RAB43: variants seen among roughly 807,000 people sequenced by gnomAD.
The protein encoded by RAB43 is RAB43, member RAS oncogene family.
Under a neutral mutation model 18.8 loss-of-function variants are expected in RAB43, and 6 were observed. That is an observed-to-expected ratio of 0.32 (90% CI 0.17 to 0.63). The LOEUF is 0.63. Ranked by LOEUF, RAB43 falls within the 30% of genes least tolerant of loss-of-function variation. RAB43 has a pLI of 0.79. For synonymous variants in RAB43, 103 were observed against 124.1 expected, an observed-to-expected ratio of 0.83 and a Z score of 1.13; for missense variants, 195 against 289.1, an observed-to-expected ratio of 0.67 and a Z score of 2.36.
chr3:129,114,361 A>G (rs537695405), intron 1 of RAB43, among the ~76,000 whole-genome samples: 3 of 152,260 alleles, frequency 2.0e-5, no homozygotes, highest in South Asian at 4.1e-4. Context: ...ACAAGACAGC[A>G]ATGAGGAGAA....
At position 129,107,407 on chromosome 3, in the gene RAB43, C is replaced by G. The variant is rs1270159031; in HGVS notation, c.205-12238G>C. Among the ~76,000 whole-genome samples the G allele has an allele frequency of 6.6e-6, 1 of 152,096 alleles. No homozygotes were observed. Among genetic ancestry groups the G allele is most frequent in the African/African-American group, 2.4e-5 (1 of 41,416 alleles). ...TGCCTCATCTGCTTGCCAAGTGCCA[C>G]CTCTTCCGGGTATTCCTCTTCCTCG... On this transcript the variant is annotated intron_variant, in intron 1 of 2. Transcript: ENST00000315150. This position sits in a 1 kb window ranked among gnomAD's most constrained non-coding sequence, Gnocchi z 4.2.
chr3:129,108,833 C>A (rs1188496055), intron 1 of RAB43, among the ~76,000 whole-genome samples: 2 of 152,124 alleles, frequency 1.3e-5, no homozygotes, highest in Admixed American at 6.5e-5. Context: ...CCACCCTAAC[C>A]AGGTGATCAA....
intron 1 of RAB43, among the ~76,000 whole-genome samples, chr3:129,113,931 G>A (rs891471573): frequency 6.6e-6 from 1 of 152,138 alleles, no homozygotes; most frequent in Non-Finnish European, 1.5e-5. Flanking sequence ...GGAGGCTGAG[G>A]CAGGAGAACT....
At chr3:129,092,836 G>T (rs187707084) in intron 2 of RAB43, among the ~76,000 whole-genome samples, 4,810 of 151,170 alleles carry the variant, frequency 0.032, 116 homozygotes, top group Non-Finnish European at 0.048. Context: ...GGCGCCTGTG[G>T]TCCCAGCTAC....
At chr3:129,111,744 T>C (rs1238276999) in intron 1 of RAB43, among the ~76,000 whole-genome samples, 2 of 152,172 alleles carry the variant, frequency 1.3e-5, no homozygotes, top group Non-Finnish European at 2.9e-5. Flanking sequence ...TTTTTCTACA[T>C]ATTTCATAGA....
intron 2 of RAB43, among the ~76,000 whole-genome samples, chr3:129,092,058 TAA>T (rs1012657876): frequency 5.4e-4 from 32 of 59,580 alleles, no homozygotes; most frequent in South Asian, 4.4e-3. Flanking sequence ...AACTCCGTCA[TAA>T]AAAAAAAAAA....
intron 1 of RAB43, among the ~76,000 whole-genome samples, chr3:129,118,053 C>T (rs1162170456): frequency 6.6e-6 from 1 of 152,228 alleles, no homozygotes; most frequent in Admixed American, 6.5e-5. Flanking sequence ...CAAGGCCTCT[C>T]TGAAGATGTG....
At chr3:129,098,015 C>A (rs1934166664) in intron 1 of RAB43, among the ~76,000 whole-genome samples, 1 of 152,042 alleles carries the variant, frequency 6.6e-6, no homozygotes, top group Admixed American at 6.6e-5. Flanking sequence ...AATGAGAAGA[C>A]ATAAGTAGGG....
At chr3:129,103,578 T>G (rs568246291) in intron 1 of RAB43, among the ~76,000 whole-genome samples, 2 of 152,078 alleles carry the variant, frequency 1.3e-5, no homozygotes, top group Admixed American at 1.3e-4. Flanking sequence ...GCTTTTTTTT[T>G]TTTTTAGATG....
At chr3:129,094,505 C>CTTTTTTTTTTTTT (rs200896936) in intron 2 of RAB43, among the ~76,000 whole-genome samples, 3 of 69,150 alleles carry the variant, frequency 4.3e-5, no homozygotes, top group African/African-American at 5.5e-5. Context: ...ATATAACTTT[C>CTTTTTTTTTTTTT]TTTTTTTTTT....
upstream of RAB43, chr3:129,121,900 T>A: frequency 8.2e-6 from 1 of 122,218 alleles, no homozygotes; most frequent in Non-Finnish European, 1.7e-5. Flanking sequence ...CGGGCCCACC[T>A]CAGCCCGACC....
chr3:129,093,037 CT>C (rs1342361093), intron 2 of RAB43, among the ~76,000 whole-genome samples: 3 of 151,156 alleles, frequency 2.0e-5, no homozygotes, highest in South Asian at 2.2e-4. Flanking sequence ...GTCGCATAGG[CT>C]GGAGGACAGT....
intron 1 of RAB43, among the ~76,000 whole-genome samples, chr3:129,109,809 TA>T (rs1177424315): frequency 1.3e-5 from 2 of 151,764 alleles, no homozygotes; most frequent in African/African-American, 4.8e-5. Flanking sequence ...GTACATAATG[TA>T]AAAAAAATTT....
At chr3:129,098,739 TTTC>T (rs1168219858) in intron 1 of RAB43, among the ~76,000 whole-genome samples, 2 of 152,224 alleles carry the variant, frequency 1.3e-5, no homozygotes, top group African/African-American at 4.8e-5. Context: ...TGAAAAATTA[TTTC>T]TTAAAACATA....
intron 1 of RAB43, among the ~76,000 whole-genome samples, chr3:129,112,121 G>C (rs1482457777): frequency 6.6e-6 from 1 of 152,092 alleles, no homozygotes; most frequent in Non-Finnish European, 1.5e-5. Flanking sequence ...GGGCGTGGTG[G>C]CGCATGCCCT....
chr3:129,102,462 C>G (rs1404850730), intron 1 of RAB43, among the ~76,000 whole-genome samples: 1 of 151,906 alleles, frequency 6.6e-6, no homozygotes, highest in Non-Finnish European at 1.5e-5. Context: ...AACCCCGTCT[C>G]TACTAAAAAT....
intron 1 of RAB43, among the ~76,000 whole-genome samples, chr3:129,104,131 C>T (rs1934604318): frequency 6.6e-6 from 1 of 152,214 alleles, no homozygotes; most frequent in South Asian, 2.1e-4. Context: ...GACCATTTTG[C>T]CCCGTGAACC....
Position 129,090,015 on chromosome 3 carries a change from G to A in RAB43, c.*1081C>T, listed in dbSNP as rs1413635768. On this transcript the variant is annotated 3_prime_UTR_variant, in exon 3 of 3. Coordinates refer to ENST00000315150, the MANE Select transcript of RAB43 (RefSeq NM_198490.3). ...GTGATACCTCTGAGCCACATGCCCA[G>A]AGGACAATGCTGCTTCCCACATCCC... is the stretch of plus-strand genomic sequence containing the variant. 6.8e-6 allele frequency: 1 copy of A among 146,656 alleles called. No individual in the cohort carries two copies. The highest frequency in any genetic ancestry group is 6.9e-5 in the Admixed American group (1 of 14,520). 9.1% of individuals were successfully genotyped at this position (146,656 alleles called of 1,614,324 possible). A position where few individuals can be genotyped will look rare whatever the true frequency, so the allele number is the denominator to read the frequency against.
chr3:129,106,773 CCA>C (rs1934812883), intron 1 of RAB43, among the ~76,000 whole-genome samples: 1 of 152,138 alleles, frequency 6.6e-6, no homozygotes, highest in African/African-American at 2.4e-5. Context: ...AAAATTCCTC[CCA>C]CCTCTTAAAA....
Sources: allele counts gnomAD v4.1 joint callset (sites outside exome capture counted in the v4.1 genomes callset), GRCh38; gene constraint gnomAD v4.1.1; non-coding constraint Gnocchi (gnomAD v3.1); transcripts MANE v1.5; gene names NCBI Gene and HGNC (gene_info 2026-07-23, HGNC 2026-07-21).